The following JAKMIP1 variants were observed in gnomAD, a reference collection of about 807,000 sequenced individuals.
JAKMIP1 encodes janus kinase and microtubule-interacting protein 1.
In JAKMIP1, 33 loss-of-function variants were observed where a neutral mutation model predicts 113.0. The ratio of observed to expected loss-of-function variants is 0.29; its 90% CI spans 0.22 to 0.39. The LOEUF (loss-of-function observed/expected upper bound fraction) is 0.39. Ranked by LOEUF, JAKMIP1 falls within the 10% of genes least tolerant of loss-of-function variation. The probability of loss-of-function intolerance (pLI) is 1.00; values close to 1 mark genes in which losing one functional copy is unlikely to be tolerated. For missense variants in JAKMIP1, 813 were observed against 1,080.5 expected (o/e 0.75, Z 3.47); for synonymous variants, 480 against 459.9 (o/e 1.04, Z -0.56).
At position 6,186,267 on chromosome 4, in the gene JAKMIP1, G is replaced by T. The variant is rs192386168; in HGVS notation, c.-148+13986C>A. On this transcript the variant is annotated intron_variant, in intron 1 of 20. Coordinates refer to ENST00000409021, the MANE Select transcript of JAKMIP1 (RefSeq NM_001099433.2). The surrounding 1 kb of genome is among the most constrained non-coding windows in gnomAD (Gnocchi z 5.5). Reference sequence around the variant, plus strand: ...GGCACAGCAGGGTGGGGAAGTCCAAGGAATGGGCATTCCAGGAAAGTGGGA... The same window carrying T: ...GGCACAGCAGGGTGGGGAAGTCCAATGAATGGGCATTCCAGGAAAGTGGGA... Among the ~76,000 whole-genome samples, 610 of 152,326 alleles carry T rather than the reference G, an allele frequency of 4.0e-3. 7 individuals carry two copies. Among genetic ancestry groups the T allele is most frequent in the African/African-American group, 0.014 (582 of 41,584 alleles).
At chr4:6,087,208 G>A (rs909289689) in intron 3 of JAKMIP1, among the ~76,000 whole-genome samples, 2 of 152,124 alleles carry the variant, frequency 1.3e-5, no homozygotes, top group Non-Finnish European at 2.9e-5. Context: ...CAGAGAATTG[G>A]GGTGAAGGGC....
At position 6,081,014 on chromosome 4, in the gene JAKMIP1, C is replaced by CACACACACACACACACACACA. The variant is rs1553821445; in HGVS notation, c.1101+594_1101+595insTGTGTGTGTGTGTGTGTGTGT. 8.6e-5 allele frequency among the ~76,000 whole-genome samples: 13 copies of CACACACACACACACACACACA among 151,342 alleles called. No homozygotes were observed. The highest frequency in any genetic ancestry group is 2.2e-4 in the African/African-American group (9 of 41,268). ...ACACACACACACACACACACACACA[C>CACACACACACACACACACACA]CTGCATCTGCTACAGTGCAGACAGC... is the stretch of plus-strand genomic sequence containing the variant. On this transcript the variant is annotated intron_variant, in intron 6 of 20. Coordinates refer to ENST00000409021, the MANE Select transcript of JAKMIP1 (RefSeq NM_001099433.2). This position sits in a 1 kb window ranked among gnomAD's most constrained non-coding sequence, Gnocchi z 4.6.
At chr4:6,084,318 CA>C (rs34850390) in intron 5 of JAKMIP1, among the ~76,000 whole-genome samples, 68,129 of 122,950 alleles carry the variant, frequency 0.55, 16,649 homozygotes, top group East Asian at 0.69. Flanking sequence ...AACTTTATCT[CA>C]AAAAAAAAAA....
chr4:6,148,463 G>A (rs746210489), intron 1 of JAKMIP1, among the ~76,000 whole-genome samples: 5 of 152,210 alleles, frequency 3.3e-5, no homozygotes, highest in Non-Finnish European at 7.3e-5. Flanking sequence ...ACAGTCCTTC[G>A]AGATACACAG....
chr4:6,161,896 AT>A (rs1420641723), intron 1 of JAKMIP1, among the ~76,000 whole-genome samples: 1 of 152,012 alleles, frequency 6.6e-6, no homozygotes. Flanking sequence ...AAAACAAGAT[AT>A]GTTTGAAAGC....
At chr4:6,098,336 G>A (rs1047305214) in intron 3 of JAKMIP1, among the ~76,000 whole-genome samples, 4 of 152,062 alleles carry the variant, frequency 2.6e-5, no homozygotes, top group African/African-American at 9.7e-5. Context: ...GGGAGGCTGA[G>A]GCAGGAGAAT....
In JAKMIP1 at chr4:6,108,412, G is replaced by A. The variant is rs1714326147; in HGVS notation, c.130-2445C>T. Among the ~76,000 whole-genome samples, 1 of 152,190 alleles carries A rather than the reference G, an allele frequency of 6.6e-6. No homozygotes were observed. The highest frequency in any genetic ancestry group is 2.4e-5 in the African/African-American group (1 of 41,452). ...CCTCAGCACTTGGACTCTAAATGCA[G>A]CCACGGCACAAAGGCCAAGAGAGGG... On this transcript the variant is annotated intron_variant, in intron 2 of 20. Transcript: ENST00000409021. This position sits in a 1 kb window ranked among gnomAD's most constrained non-coding sequence, Gnocchi z 5.6.
At chr4:6,034,234 C>T (rs1309867967) in intron 19 of JAKMIP1, among the ~76,000 whole-genome samples, 1 of 106,058 alleles carries the variant, frequency 9.4e-6, no homozygotes, top group Non-Finnish European at 1.8e-5. Context: ...CTTACCATGC[C>T]CCAGTGAGAC....
intron 9 of JAKMIP1, among the ~76,000 whole-genome samples, 188 bp from the exon 10 acceptor site, chr4:6,062,628 A>G (rs1179806274): frequency 6.6e-6 from 1 of 152,258 alleles, no homozygotes; most frequent in Admixed American, 6.5e-5. Context: ...TCGCATTGCC[A>G]GGAAGCAACT....
At chr4:6,110,472 G>T (rs756181044) in intron 2 of JAKMIP1, among the ~76,000 whole-genome samples, 2 of 151,378 alleles carry the variant, frequency 1.3e-5, no homozygotes, top group Non-Finnish European at 2.9e-5. Context: ...ACACACCTGG[G>T]CAAGTCCCCG....
chr4:6,043,594 G>T (rs1017084977), intron 16 of JAKMIP1, among the ~76,000 whole-genome samples: 2 of 151,928 alleles, frequency 1.3e-5, no homozygotes, highest in African/African-American at 2.4e-5. Context: ...GGGGAAGAGT[G>T]CCCCCTCCTT....
intron 1 of JAKMIP1, among the ~76,000 whole-genome samples, chr4:6,145,414 T>TG (rs1179260922): frequency 2.0e-5 from 3 of 152,200 alleles, no homozygotes; most frequent in Non-Finnish European, 4.4e-5. Flanking sequence ...ATTCATGCCT[T>TG]GTCCCTGCAC....
chr4:6,055,343 A>T (rs1020544097), intron 12 of JAKMIP1, among the ~76,000 whole-genome samples: 5 of 152,306 alleles, frequency 3.3e-5, no homozygotes, highest in Non-Finnish European at 5.9e-5. Context: ...AACACAGTAG[A>T]TTTACAAAAA....
Position 6,074,157 on chromosome 4 carries a change from C to T in JAKMIP1, c.1302+4782G>A, listed in dbSNP as rs1296450853. ...TCCCATAAGGGGACTGTTGGATAGG[C>T]CCAGTAAGGCAGAGTCATGGCCCTC... On this transcript the variant is annotated intron_variant, in intron 8 of 20. Transcript: ENST00000409021. Among the ~76,000 whole-genome samples the T allele has an allele frequency of 2.6e-5, 4 of 152,356 alleles. No homozygotes were observed. The South Asian group carries it at 8.3e-4, about 32-fold the overall frequency.
intron 1 of JAKMIP1, among the ~76,000 whole-genome samples, chr4:6,125,864 T>A (rs148930996): frequency 0.89 from 21,571 of 24,152 alleles, 10,135 homozygotes; most frequent in East Asian, 0.96. Flanking sequence ...ATACAGAAAC[T>A]CGCGCCATAC....
chr4:6,042,190 G>C lies in JAKMIP1; in HGVS notation c.2066C>G (p.Thr689Ser). The C allele has an allele frequency of 1.2e-6, 2 of 1,613,876 alleles. No homozygotes were observed. Among genetic ancestry groups the C allele is most frequent in the South Asian group, 2.2e-5 (2 of 91,078 alleles). The change falls in exon 17 of 21, where the codon ACC (threonine) becomes AGC (serine). Residue 689 changes from threonine (T) to serine (S), a missense_variant. Thr to Ser is a moderately conservative substitution (Grantham distance 58). Coordinates refer to ENST00000409021, the MANE Select transcript of JAKMIP1 (RefSeq NM_001099433.2). The surrounding 1 kb of genome is among the most constrained non-coding windows in gnomAD (Gnocchi z 5.2). ...KQIEGTEAALTQKMLDLEKEK... is the reference protein window; with the variant it reads ...KQIEGTEAALSQKMLDLEKEK... ...CTTCTCCAGGTCCAGCATCTTCTGGGTCAGGGCGGCCTCGGTCCCCTCTAT... is the reference window on the plus strand; with the variant it reads ...CTTCTCCAGGTCCAGCATCTTCTGGCTCAGGGCGGCCTCGGTCCCCTCTAT...
At chr4:6,073,088 A>G (rs1415015911) in intron 8 of JAKMIP1, among the ~76,000 whole-genome samples, 1 of 151,702 alleles carries the variant, frequency 6.6e-6, no homozygotes, top group Non-Finnish European at 1.5e-5. Context: ...AAAAAAAAAA[A>G]AAAAAAAAAG....
rs1343141714 is a variant in JAKMIP1 at position 6,049,001 on chromosome 4, T to C, written c.1963-79A>G. ...CAGACAGTCAGCACCAAGCAAGTTTTTTTTTTTCGTTGTTGTTGTTTGTTT... is the reference window on the plus strand; with the variant it reads ...CAGACAGTCAGCACCAAGCAAGTTTCTTTTTTTCGTTGTTGTTGTTTGTTT... On this transcript the variant is annotated intron_variant, in intron 15 of 20. Coordinates refer to ENST00000409021, the MANE Select transcript of JAKMIP1 (RefSeq NM_001099433.2). This position sits in a 1 kb window ranked among gnomAD's most constrained non-coding sequence, Gnocchi z 7.0. The C allele has an allele frequency of 1.5e-5, 15 of 1,027,496 alleles. No homozygotes were observed. In the African/African-American group the frequency reaches 1.8e-4, roughly 12 times the overall value. 63.6% of individuals were successfully genotyped at this position (1,027,496 alleles called of 1,614,324 possible). A position where few individuals can be genotyped will look rare whatever the true frequency, so the allele number is the denominator to read the frequency against.
intron 3 of JAKMIP1, among the ~76,000 whole-genome samples, chr4:6,098,566 GAAAGAA>G (rs1205677111): frequency 4.3e-5 from 1 of 23,286 alleles, no homozygotes; most frequent in African/African-American, 6.8e-5. Context: ...AAGAAAGAAA[GAAAGAA>G]AGAAAGAAAG....
Sources: gnomAD v4.1 joint callset for allele counts (sites outside exome capture counted in the v4.1 genomes callset) on GRCh38, gnomAD v4.1.1 for gene constraint, Gnocchi (gnomAD v3.1) non-coding constraint, MANE v1.5 for transcripts, NCBI Gene and HGNC (gene_info 2026-07-23, HGNC 2026-07-21) for gene names.